DLC1: variants seen among roughly 807,000 people sequenced by gnomAD.
DLC1 encodes DLC1 Rho GTPase activating protein, also known as rho GTPase-activating protein 7.
Under a neutral mutation model 140.3 loss-of-function variants are expected in DLC1, and 54 were observed. That is an observed-to-expected ratio of 0.38 (90% CI 0.31 to 0.48). The LOEUF (loss-of-function observed/expected upper bound fraction) is 0.48. DLC1 is among the 20% of genes least tolerant of loss of function. The pLI is 0.96. For missense variants in DLC1, 2,536 were observed against 1,907.0 expected (o/e 1.33, Z -6.14); for synonymous variants, 986 against 728.1 (o/e 1.35, Z -5.70).
intron 4 of DLC1, among the ~76,000 whole-genome samples, chr8:13,355,159 T>C (rs1019131005): frequency 1.4e-5 from 2 of 138,262 alleles, no homozygotes; most frequent in African/African-American, 5.4e-5. Context: ...GATCAAATTT[T>C]TAATAGACTT....
intron 1 of DLC1, among the ~76,000 whole-genome samples, chr8:13,604,132 AC>A (rs1233639014): frequency 6.6e-6 from 1 of 152,186 alleles, no homozygotes; most frequent in Non-Finnish European, 1.5e-5. Flanking sequence ...AGAGGTAGAA[AC>A]AAAAGTAAAA....
intron 1 of DLC1, among the ~76,000 whole-genome samples, chr8:13,505,258 G>C (rs904172661): frequency 2.0e-5 from 3 of 152,112 alleles, no homozygotes; most frequent in African/African-American, 4.8e-5. Context: ...ATAGGATTCT[G>C]TGAGGAGTGA....
At chr8:13,145,369 C>T (rs965052594) in intron 5 of DLC1, among the ~76,000 whole-genome samples, 3 of 152,116 alleles carry the variant, frequency 2.0e-5, no homozygotes, top group African/African-American at 4.8e-5. Flanking sequence ...AGTGAATAAA[C>T]GTATACTAAG....
chr8:13,559,853 T>C (rs1303692340), intron 1 of DLC1, among the ~76,000 whole-genome samples: 1 of 152,236 alleles, frequency 6.6e-6, no homozygotes, highest in African/African-American at 2.4e-5. Flanking sequence ...CTCATTTATA[T>C]TCATTTCCTA....
intron 8 of DLC1, among the ~76,000 whole-genome samples, chr8:13,101,482 A>T (rs1362028443): frequency 1.3e-5 from 2 of 152,140 alleles, no homozygotes; most frequent in Non-Finnish European, 2.9e-5. Context: ...TCCCTCTTGC[A>T]ATTAAAAAGG....
At chr8:13,223,552 T>A (rs1828656867) in intron 5 of DLC1, among the ~76,000 whole-genome samples, 1 of 152,176 alleles carries the variant, frequency 6.6e-6, no homozygotes, top group African/African-American at 2.4e-5. Context: ...CACATAAAAC[T>A]CACCTTAGTT....
At chr8:13,417,743 G>A (rs537511767) in intron 2 of DLC1, among the ~76,000 whole-genome samples, 10 of 152,230 alleles carry the variant, frequency 6.6e-5, no homozygotes, top group African/African-American at 2.4e-4. Context: ...GGATGGCTGG[G>A]TCAAATGGTA....
At chr8:13,204,318 C>T (rs576106451) in intron 5 of DLC1, among the ~76,000 whole-genome samples, 200 of 152,242 alleles carry the variant, frequency 1.3e-3, no homozygotes, top group African/African-American at 4.5e-3. Flanking sequence ...CTGAAAAGAG[C>T]AGCTGTCTTT....
At chr8:13,088,414 G>A (rs911420576) in intron 16 of DLC1, 73 bp downstream of exon 16, 35 of 1,503,226 alleles carry the variant, frequency 2.3e-5, no homozygotes, top group Non-Finnish European at 3.0e-5. Context: ...CATCTTGTAA[G>A]ATCAGTGACA....
chr8:13,384,394 T>C (rs762104295), intron 4 of DLC1, among the ~76,000 whole-genome samples: 38 of 152,190 alleles, frequency 2.5e-4, no homozygotes, highest in Admixed American at 8.5e-4. Context: ...GTGTGTATCA[T>C]TGGACTTAAC....
At chr8:13,463,864 C>T (rs1467946149) in intron 2 of DLC1, among the ~76,000 whole-genome samples, 4 of 151,862 alleles carry the variant, frequency 2.6e-5, no homozygotes, top group Non-Finnish European at 5.9e-5. Flanking sequence ...TTCAAGGGGA[C>T]ACGAAAGAGC....
intron 4 of DLC1, among the ~76,000 whole-genome samples, chr8:13,344,739 A>G (rs553848960): frequency 6.6e-6 from 1 of 152,324 alleles, no homozygotes; most frequent in East Asian, 1.9e-4. Context: ...CTGAACGATT[A>G]GGAAAGCACG....
At chr8:13,559,904 A>T (rs1236864655) in intron 1 of DLC1, among the ~76,000 whole-genome samples, 1 of 147,258 alleles carries the variant, frequency 6.8e-6, no homozygotes, top group Non-Finnish European at 1.5e-5. Context: ...CCAAAGGCTG[A>T]TGGACTTAAC....
chr8:13,356,743 T>G (rs1834958126), intron 4 of DLC1, among the ~76,000 whole-genome samples: 1 of 152,232 alleles, frequency 6.6e-6, no homozygotes, highest in Non-Finnish European at 1.5e-5. Flanking sequence ...CTGAAAGCCA[T>G]GTGGCTAATA....
intron 5 of DLC1, among the ~76,000 whole-genome samples, chr8:13,180,757 T>C (rs939507712): frequency 2.6e-5 from 4 of 152,174 alleles, no homozygotes; most frequent in African/African-American, 9.7e-5. Context: ...AAGAATTCAA[T>C]TAAAACCAAA....
At chr8:13,573,695 A>G (rs929451406) in intron 1 of DLC1, among the ~76,000 whole-genome samples, 3 of 152,140 alleles carry the variant, frequency 2.0e-5, no homozygotes, top group Non-Finnish European at 4.4e-5. Flanking sequence ...TCCTGCATCC[A>G]TTGAAATAAT....
chr8:13,463,132 T>G (rs1033223193), intron 2 of DLC1, among the ~76,000 whole-genome samples: 1 of 151,958 alleles, frequency 6.6e-6, no homozygotes, highest in Non-Finnish European at 1.5e-5. Context: ...TATTTATTTA[T>G]TTTATTTTTT....
intron 5 of DLC1, among the ~76,000 whole-genome samples, chr8:13,153,760 A>G (rs1824021786): frequency 6.6e-6 from 1 of 151,212 alleles, no homozygotes. Flanking sequence ...TTACAAACCT[A>G]GAGGTAGACA....
intron 5 of DLC1, among the ~76,000 whole-genome samples, chr8:13,224,953 C>A (rs907282188): frequency 2.0e-5 from 3 of 152,196 alleles, no homozygotes; most frequent in African/African-American, 7.2e-5. Flanking sequence ...GGAAGATGAG[C>A]TCTTCACTTA....
Sources: gnomAD v4.1 joint callset for allele counts (sites outside exome capture counted in the v4.1 genomes callset) on GRCh38, gnomAD v4.1.1 for gene constraint, MANE v1.5 for transcripts, NCBI Gene and HGNC (gene_info 2026-07-23, HGNC 2026-07-21) for gene names.